The following RERE variants were observed in gnomAD, a reference collection of about 807,000 sequenced individuals.
RERE encodes the protein arginine-glutamic acid dipeptide repeats, also known as arginine-glutamic acid dipeptide repeats protein.
RERE carries 40 observed loss-of-function variants against 146.1 expected under a neutral mutation model. The observed-to-expected ratio is 0.27, with a 90% CI of 0.21 to 0.36. The LOEUF is 0.36. Among genes scored for constraint, RERE ranks in the 10% least tolerant of loss-of-function variants. The probability of loss-of-function intolerance (pLI) is 1.00; values close to 1 mark genes in which losing one functional copy is unlikely to be tolerated. For missense variants in RERE, 1,933 were observed against 2,138.7 expected (o/e 0.90, Z 1.90); for synonymous variants, 1,003 against 866.0 (o/e 1.16, Z -2.78).
At chr1:8,579,946 G>A (rs1473195880) in intron 4 of RERE, among the ~76,000 whole-genome samples, 1 of 152,262 alleles carries the variant, frequency 6.6e-6, no homozygotes, top group Non-Finnish European at 1.5e-5. Context: ...GGAGGTTGCA[G>A]TGAACTGAGA....
chr1:8,815,655 C>T (rs1641896849), intron 1 of RERE, among the ~76,000 whole-genome samples: 1 of 152,166 alleles, frequency 6.6e-6, no homozygotes, highest in South Asian at 2.1e-4. Flanking sequence ...GTTGCAAAAA[C>T]GGCCAGGCAT....
intron 1 of RERE, among the ~76,000 whole-genome samples, chr1:8,733,176 AGAG>A (rs1033852781): frequency 7.3e-5 from 11 of 151,474 alleles, no homozygotes; most frequent in African/African-American, 1.2e-4. Flanking sequence ...TTAAAAAAAA[AGAG>A]AGAGAGAGAG....
At position 8,774,951 on chromosome 1, in the gene RERE, C is replaced by CTTTTTTT. The variant is rs869173167; in HGVS notation, c.-145+42202_-145+42208dup. 3.0e-3 allele frequency among the ~76,000 whole-genome samples: 143 copies of CTTTTTTT among 47,928 alleles called. 2 individuals are homozygous for CTTTTTTT. The highest frequency in any genetic ancestry group is 6.5e-3 in the African/African-American group (91 of 13,962). The allele number at this position is 47,928 out of a possible 152,430, so 31.4% of individuals were successfully genotyped here. ...TCATAGTAGCATTTCTTCTTTCTTT[C>CTTTTTTT]TTTTTTTTTTTTTTTTTTTTTTTTT... On this transcript the variant is annotated intron_variant, in intron 1 of 22. Transcript: ENST00000400908.
chr1:8,787,422 T>G (rs1641278291), intron 1 of RERE, among the ~76,000 whole-genome samples: 1 of 152,210 alleles, frequency 6.6e-6, no homozygotes, highest in Non-Finnish European at 1.5e-5. Flanking sequence ...GAGTCAGAAC[T>G]GAAGCATTTA....
intron 1 of RERE, among the ~76,000 whole-genome samples, chr1:8,704,200 T>TA (rs898428740): frequency 6.6e-6 from 1 of 152,180 alleles, no homozygotes; most frequent in Non-Finnish European, 1.5e-5. Context: ...TTAATTCTGG[T>TA]AAAAAATATA....
chr1:8,393,983 C>T (rs548004896), intron 12 of RERE, among the ~76,000 whole-genome samples: 2 of 152,260 alleles, frequency 1.3e-5, no homozygotes, highest in South Asian at 4.1e-4. Context: ...CCAATCTCCA[C>T]CTGGGGACTT....
At chr1:8,556,631 A>T (rs1035845180) in intron 5 of RERE, 60 bp from the exon 6 acceptor site, 6 of 1,109,582 alleles carry the variant, frequency 5.4e-6, no homozygotes, top group South Asian at 1.3e-5. Flanking sequence ...AGTAAAAAAA[A>T]TTTGTAAAAC....
At chr1:8,402,193 T>A (rs1260219527) in intron 12 of RERE, among the ~76,000 whole-genome samples, 1 of 152,044 alleles carries the variant, frequency 6.6e-6, no homozygotes, top group Non-Finnish European at 1.5e-5. Context: ...TAAGGCTAGG[T>A]CAGAAATGGC....
chr1:8,677,425 C>CAA (rs33947474), intron 1 of RERE, among the ~76,000 whole-genome samples: 238 of 93,646 alleles, frequency 2.5e-3, no homozygotes, highest in Middle Eastern at 0.019. Context: ...GTCTCCGTCT[C>CAA]AAAAAAAAAA....
At chr1:8,795,933 G>A (rs934384823) in intron 1 of RERE, among the ~76,000 whole-genome samples, 4 of 136,740 alleles carry the variant, frequency 2.9e-5, no homozygotes, top group South Asian at 2.3e-4. Flanking sequence ...GGTGAGCCGC[G>A]ATTGCACCAT....
At chr1:8,642,700 G>C (rs775516147) in intron 2 of RERE, among the ~76,000 whole-genome samples, 1 of 152,146 alleles carries the variant, frequency 6.6e-6, no homozygotes, top group African/African-American at 2.4e-5. Context: ...AAGTGTAACA[G>C]TGTCCTTCAA....
chr1:8,403,149 G>T (rs1007137040), intron 12 of RERE, among the ~76,000 whole-genome samples: 1 of 151,876 alleles, frequency 6.6e-6, no homozygotes, highest in Admixed American at 6.6e-5. Context: ...TGCCCATCTC[G>T]GCCTCCCAAA....
chr1:8,564,162 T>C (rs953427014), intron 4 of RERE, among the ~76,000 whole-genome samples: 1 of 152,102 alleles, frequency 6.6e-6, no homozygotes, highest in Non-Finnish European at 1.5e-5. Flanking sequence ...GGGAGAAGGG[T>C]AGGGACAGAC....
chr1:8,669,179 AC>A lies in RERE; in HGVS notation c.-144-12739del, dbSNP rs57703350. On this transcript the variant is annotated intron_variant, in intron 1 of 22. Coordinates refer to ENST00000400908, the MANE Select transcript of RERE (RefSeq NM_001042681.2). ...CCTTGACCTACCGGGCTCAAGCAAT[AC>A]CCCCCCCAACTCGGCCTCTCCAGTA... Among the ~76,000 whole-genome samples, 376 of 147,100 alleles carry A rather than the reference AC, an allele frequency of 2.6e-3. 8 individuals are homozygous for A. The highest frequency in any genetic ancestry group is 0.021 in the Admixed American group (306 of 14,724).
chr1:8,647,308 A>G (rs186806919), intron 2 of RERE, among the ~76,000 whole-genome samples: 1 of 152,354 alleles, frequency 6.6e-6, no homozygotes, highest in Admixed American at 6.5e-5. Context: ...TAGGTCACAG[A>G]GGGTCTACAG....
intron 11 of RERE, among the ~76,000 whole-genome samples, chr1:8,455,138 C>T (rs371580696): frequency 5.9e-5 from 9 of 152,194 alleles, no homozygotes; most frequent in African/African-American, 2.2e-4. Context: ...AGGAGGGACA[C>T]GGGGCAGTGG....
intron 7 of RERE, among the ~76,000 whole-genome samples, chr1:8,522,223 A>T (rs1645511021): frequency 6.6e-6 from 1 of 152,236 alleles, no homozygotes; most frequent in Non-Finnish European, 1.5e-5. Context: ...ATTTAGGAGA[A>T]GATTTGTGAA....
At chr1:8,455,941 G>A (rs930702080) in intron 11 of RERE, among the ~76,000 whole-genome samples, 3 of 152,162 alleles carry the variant, frequency 2.0e-5, no homozygotes, top group Admixed American at 6.5e-5. Flanking sequence ...TCAGAAGAAC[G>A]AGTGTTGGGG....
chr1:8,442,304 C>G (rs973040357), intron 11 of RERE, among the ~76,000 whole-genome samples: 6 of 151,362 alleles, frequency 4.0e-5, no homozygotes, highest in African/African-American at 1.5e-4. Context: ...ATTGCTGGAA[C>G]CTGGGAAGCA....
Sources: allele counts gnomAD v4.1 joint callset (sites outside exome capture counted in the v4.1 genomes callset), GRCh38; gene constraint gnomAD v4.1.1; transcripts MANE v1.5; gene names NCBI Gene and HGNC (gene_info 2026-07-23, HGNC 2026-07-21).